The following OARD1 variants were observed in gnomAD, a reference collection of about 807,000 sequenced individuals.
OARD1 encodes the protein O-acyl-ADP-ribose deacylase 1, also known as ADP-ribose glycohydrolase OARD1.
OARD1 carries 19 observed loss-of-function variants against 19.7 expected under a neutral mutation model. That is an observed-to-expected ratio of 0.96 (90% CI 0.67 to 1.41). OARD1 has a LOEUF of 1.41. Among genes scored for constraint, OARD1 ranks in the 40% most tolerant of loss-of-function variants. The pLI is 0.00. For missense variants in OARD1, 190 were observed against 183.8 expected (o/e 1.03, Z -0.20); for synonymous variants, 70 against 61.8 (o/e 1.13, Z -0.62).
rs913070327 is a variant in OARD1 at position 41,090,091 on chromosome 6, G to T, written c.-42+7622C>A. 4 of 684,046 alleles carry T rather than the reference G, an allele frequency of 5.8e-6. No homozygotes were observed. In the East Asian group the frequency reaches 1.2e-4, roughly 20 times the overall value. The allele number at this position is 684,046 out of a possible 1,614,324, so 42.4% of individuals were successfully genotyped here. Reference sequence around the variant, plus strand: ...CGCCACTGCACTGCACTCCAGCCTGGCGACAGAGTGAGACTCTGTCTCAAA... The same window carrying T: ...CGCCACTGCACTGCACTCCAGCCTGTCGACAGAGTGAGACTCTGTCTCAAA... On this transcript the variant is annotated intron_variant, in intron 1 of 4. Coordinates refer to the OARD1 transcript ENST00000480585.
chr6:41,069,018 C>T, intron 4 of OARD1, 65 bp from the exon 5 acceptor site: 1 of 773,770 alleles, frequency 1.3e-6, no homozygotes, highest in Non-Finnish European at 2.1e-6. Context: ...TCATCACATT[C>T]CCCCAACATC....
intron 1 of OARD1, among the ~76,000 whole-genome samples, chr6:41,079,434 A>G (rs1763847700): frequency 6.6e-6 from 1 of 152,182 alleles, no homozygotes; most frequent in Non-Finnish European, 1.5e-5. Context: ...TTGGACTTTA[A>G]AATTTTTCTG....
Position 41,092,933 on chromosome 6 carries a change from G to A in OARD1, c.-42+4780C>T, listed in dbSNP as rs755892714. The A allele has an allele frequency of 1.1e-5, 17 of 1,613,554 alleles. No individual in the cohort carries two copies. In the South Asian group the frequency reaches 1.8e-4, roughly 17 times the overall value. On this transcript the variant is annotated intron_variant, in intron 1 of 4. Transcript: ENST00000480585. Reference sequence around the variant, plus strand: ...ACAGATGGTTCCTGGGGCTGGCTCTGTGCCTGCTATCCAAAGAATCCCTCT... The same window carrying A: ...ACAGATGGTTCCTGGGGCTGGCTCTATGCCTGCTATCCAAAGAATCCCTCT...
intron 1 of OARD1, among the ~76,000 whole-genome samples, chr6:41,091,907 T>A (rs1237845179): frequency 2.0e-5 from 3 of 152,204 alleles, no homozygotes; most frequent in Admixed American, 2.0e-4. Flanking sequence ...CTATTCTAGA[T>A]GCTGGAGATA....
intron 1 of OARD1, chr6:41,094,297 C>T (rs1219086966): frequency 2.0e-6 from 2 of 981,930 alleles, no homozygotes; most frequent in South Asian, 1.5e-5. Context: ...GACTTTGATC[C>T]CAGCTGTCTT....
At chr6:41,071,012 A>T (rs796308287) in intron 3 of OARD1, 120 bp downstream of exon 3, 1 of 1,088,494 alleles carries the variant, frequency 9.2e-7, no homozygotes, top group African/African-American at 1.6e-5. Context: ...TTGGGGAGGA[A>T]AATCTTAAAA....
chr6:41,093,902 T>C (rs1021986941), intron 1 of OARD1, among the ~76,000 whole-genome samples: 3 of 152,196 alleles, frequency 2.0e-5, no homozygotes, highest in Admixed American at 6.5e-5. Flanking sequence ...CAAATGCCTG[T>C]AGTCCTACTT....
At chr6:41,088,378 A>C (rs1247765553) in intron 1 of OARD1, among the ~76,000 whole-genome samples, 1 of 143,026 alleles carries the variant, frequency 7.0e-6, no homozygotes, top group Non-Finnish European at 1.5e-5. Context: ...AGCCAAGATC[A>C]CACCACTGCA....
At chr6:41,074,203 C>A (rs1582017141), upstream of OARD1, among the ~76,000 whole-genome samples, 1 of 152,202 alleles carries the variant, frequency 6.6e-6, no homozygotes, top group East Asian at 1.9e-4. Context: ...TTTTCTGATA[C>A]ACTTTCAAGT....
intron 1 of OARD1, chr6:41,084,306 T>C: frequency 8.0e-7 from 1 of 1,248,784 alleles, no homozygotes; most frequent in Non-Finnish European, 1.1e-6. Flanking sequence ...TAACCCACAT[T>C]TTGCATTCAG....
At chr6:41,094,896 TTTTC>T (rs1764305449) in intron 1 of OARD1, among the ~76,000 whole-genome samples, 1 of 152,228 alleles carries the variant, frequency 6.6e-6, no homozygotes, top group Non-Finnish European at 1.5e-5. Flanking sequence ...AAAATCACAC[TTTTC>T]TTAATTTTCA....
At chr6:41,089,685 C>T (rs780753503) in intron 1 of OARD1, 11 of 1,612,508 alleles carry the variant, frequency 6.8e-6, no homozygotes, top group Non-Finnish European at 8.5e-6. Context: ...CAGCCCCAGA[C>T]GGCTGTCACT....
At chr6:41,070,871 CAG>C (rs1763305078) in intron 3 of OARD1, 1 of 600,238 alleles carries the variant, frequency 1.7e-6, no homozygotes, top group African/African-American at 1.9e-5. Context: ...CTAAGCATCT[CAG>C]AGTTATTTCA....
At chr6:41,096,845 G>C (rs1377579002) in intron 1 of OARD1, among the ~76,000 whole-genome samples, 1 of 152,200 alleles carries the variant, frequency 6.6e-6, no homozygotes, top group African/African-American at 2.4e-5. Flanking sequence ...CTAACTTTCT[G>C]ACCCTGACCC....
At position 41,066,028 on chromosome 6, in the gene OARD1, C is replaced by T. The variant is rs1481981486; in HGVS notation, c.*1307G>A. On this transcript the variant is annotated 3_prime_UTR_variant, in exon 6 of 6. Coordinates refer to ENST00000424266, the MANE Select transcript of OARD1 (RefSeq NM_001329686.2). ...AATAGACGACTGGTCTTTGCAGCTT[C>T]GGAAGAAAAGAGGACTAATATTTAG... is the stretch of plus-strand genomic sequence containing the variant. 2 of 152,214 alleles carry T rather than the reference C, an allele frequency of 1.3e-5. No homozygotes were observed. The highest frequency in any genetic ancestry group is 6.5e-5 in the Admixed American group (1 of 15,280). The allele number at this position is 152,214 out of a possible 1,614,324, so 9.4% of individuals were successfully genotyped here.
rs753290420 is a variant in OARD1 at position 41,071,193 on chromosome 6, G to A, written c.123C>T (p.Gly41=). 5.6e-6 allele frequency: 9 copies of A among 1,613,960 alleles called. No homozygotes were observed. The African/African-American group carries it at 6.7e-5, about 12-fold the overall frequency. ...TCTTAAAGAGGACAGCTATCCCAGCGCCCATGCGACAATCCTCACTGATAC... is the reference window on the plus strand; with the variant it reads ...TCTTAAAGAGGACAGCTATCCCAGCACCCATGCGACAATCCTCACTGATAC... ...AHCISEDCRM[G]AGIAVLFKKK... is the part of the protein sequence containing the mutation. Residue 41 remains glycine, a synonymous_variant, in exon 3 of 6, where the codon GGC becomes GGT. Coordinates refer to ENST00000424266, the MANE Select transcript of OARD1 (RefSeq NM_001329686.2).
At chr6:41,070,868 T>A in intron 3 of OARD1, 1 of 600,756 alleles carries the variant, frequency 1.7e-6, no homozygotes, top group Non-Finnish European at 2.9e-6. Context: ...AGACTAAGCA[T>A]CTCAGAGTTA....
upstream of OARD1, among the ~76,000 whole-genome samples, chr6:41,074,152 G>C (rs555693629): frequency 7.9e-5 from 12 of 151,634 alleles, no homozygotes; most frequent in South Asian, 2.5e-3. Flanking sequence ...ATGTTACTTT[G>C]TGTCAGGCTT....
intron 1 of OARD1, chr6:41,071,961 G>T: frequency 2.7e-6 from 1 of 372,716 alleles, no homozygotes; most frequent in Non-Finnish European, 5.0e-6. Context: ...CTTTCTCCAG[G>T]GCCACTCCGG....
Sources: allele counts gnomAD v4.1 joint callset (sites outside exome capture counted in the v4.1 genomes callset), GRCh38; gene constraint gnomAD v4.1.1; transcripts MANE v1.5; gene names NCBI Gene and HGNC (gene_info 2026-07-23, HGNC 2026-07-21).